Variants in LRRC41 observed in about 807,000 individuals in gnomAD.
The protein encoded by LRRC41 is leucine-rich repeat-containing protein 41.
A neutral mutation model predicts 72.1 loss-of-function variants in LRRC41; 17 were observed. The observed-to-expected ratio is 0.24, with a 90% CI of 0.16 to 0.35. The LOEUF (loss-of-function observed/expected upper bound fraction) is 0.35. Among genes scored for constraint, LRRC41 ranks in the 10% least tolerant of loss-of-function variants. The pLI, the probability that LRRC41 is intolerant of heterozygous loss-of-function variation, is 1.00. For synonymous variants in LRRC41, 427 were observed against 431.0 expected (o/e 0.99, Z 0.11); for missense variants, 759 against 1,065.0 (o/e 0.71, Z 4.00).
chr1:46,302,921 G>C lies in LRRC41; in HGVS notation c.199+203C>G. ...GCGCCCCCGAGCCAGGCCGCGGTGC[G>C]GGTCAGCCTGCCCATTTAGGTCTCC... On this transcript the variant is annotated intron_variant, in intron 1 of 9. Coordinates refer to ENST00000617190, the MANE Select transcript of LRRC41 (RefSeq NM_006369.5). The surrounding 1 kb of genome is among the most constrained non-coding windows in gnomAD (Gnocchi z 4.7). 1.0e-6 allele frequency: 1 copy of C among 981,312 alleles called. No individual in the cohort carries two copies. The highest frequency in any genetic ancestry group is 1.2e-6 in the Non-Finnish European group (1 of 828,798). 60.8% of individuals were successfully genotyped at this position (981,312 alleles called of 1,614,324 possible).
intron 3 of LRRC41, among the ~76,000 whole-genome samples, chr1:46,291,301 A>G (rs1352956160): frequency 1.3e-5 from 2 of 152,076 alleles, no homozygotes; most frequent in African/African-American, 2.4e-5. Context: ...CTCAATTTTT[A>G]TATACTATAA....
chr1:46,299,563 G>C (rs1661185690), intron 1 of LRRC41: 1 of 151,940 alleles, frequency 6.6e-6, no homozygotes, highest in Non-Finnish European at 1.5e-5. Context: ...CTGGATGACA[G>C]AGCAAGACCC....
At chr1:46,281,936 G>A (rs1660783919) in intron 4 of LRRC41, among the ~76,000 whole-genome samples, 1 of 152,160 alleles carries the variant, frequency 6.6e-6, no homozygotes, top group Admixed American at 6.5e-5. Flanking sequence ...GAAATTAGCT[G>A]GGCTGGGTGG....
chr1:46,284,084 T>C (rs560821984), intron 4 of LRRC41: 1 of 152,184 alleles, frequency 6.6e-6, no homozygotes, highest in Non-Finnish European at 1.5e-5. Flanking sequence ...ATGACATAGG[T>C]CCTTGCCAGT....
chr1:46,279,235 C>T lies in LRRC41; in HGVS notation c.2166G>A (p.Leu722=). 1 of 1,614,152 alleles carries T rather than the reference C, an allele frequency of 6.2e-7. No homozygotes were observed. The highest frequency in any genetic ancestry group is 8.5e-7 in the Non-Finnish European group (1 of 1,180,026). The change falls in exon 9 of 10, where the codon TTG becomes TTA. Residue 722 remains leucine (L), a synonymous_variant. Transcript: ENST00000617190. This position sits in a 1 kb window ranked among gnomAD's most constrained non-coding sequence, Gnocchi z 4.5. ...NRLGNAGLLA[L]ADVFSEDSSS... is the part of the protein sequence containing the mutation. The stretch of plus-strand genomic sequence containing the variant: ...ATGAATCCTCTGAGAAAACATCTGC[C>T]AAGGCCAGCAGGCCAGCATTCCCTG...
intron 3 of LRRC41, among the ~76,000 whole-genome samples, chr1:46,294,439 G>A (rs1661080741): frequency 6.6e-6 from 1 of 151,926 alleles, no homozygotes; most frequent in East Asian, 1.9e-4. Flanking sequence ...ACGTGGTTTT[G>A]CACTGTCCCC....
rs1228774271 is a variant in LRRC41 at position 46,302,114 on chromosome 1, C to G, written c.199+1010G>C. The G allele has an allele frequency of 2.0e-6, 2 of 985,246 alleles. No individual in the cohort carries two copies. The highest frequency in any genetic ancestry group is 2.4e-6 in the Non-Finnish European group (2 of 829,892). 61.0% of individuals were successfully genotyped at this position (985,246 alleles called of 1,614,324 possible). A position where few individuals can be genotyped will look rare whatever the true frequency, so the allele number is the denominator to read the frequency against. On this transcript the variant is annotated intron_variant, in intron 1 of 9. Coordinates refer to ENST00000617190, the MANE Select transcript of LRRC41 (RefSeq NM_006369.5). The surrounding 1 kb of genome is among the most constrained non-coding windows in gnomAD (Gnocchi z 4.7). ...GGTTCGCCCTCCCCGGCCGTTCATC[C>G]CGGCGCCCCAGGCCGCCCTCCATCC... is the stretch of plus-strand genomic sequence containing the variant.
rs1194902044 is a variant in LRRC41 at position 46,303,470 on chromosome 1, C to T, written c.-148G>A. The T allele has an allele frequency of 3.7e-6, 3 of 814,062 alleles. No homozygotes were observed. Among genetic ancestry groups the T allele is most frequent in the South Asian group, 1.9e-5 (1 of 53,334 alleles). The allele number at this position is 814,062 out of a possible 1,614,324, so 50.4% of individuals were successfully genotyped here. A position where few individuals can be genotyped will look rare whatever the true frequency, so the allele number is the denominator to read the frequency against. The stretch of plus-strand genomic sequence containing the variant: ...AGAAATTAGCACACTTTCCAAGTCT[C>T]TTAGGAGCTACTATTTTAGATAAAC... On this transcript the variant is annotated 5_prime_UTR_variant, in exon 1 of 10. Coordinates refer to ENST00000617190, the MANE Select transcript of LRRC41 (RefSeq NM_006369.5).
Position 46,303,115 on chromosome 1 carries a change from G to A in LRRC41, c.199+9C>T, listed in dbSNP as rs775326082. ...TTAGCCAGAGGTAGCCCCTCACCCC[G>A]CGACTTACCCCACACCCCGCTCTCC... On this transcript the variant is annotated intron_variant, in intron 1 of 9. Transcript: ENST00000617190. The A allele has an allele frequency of 5.1e-6, 6 of 1,165,926 alleles. No individual in the cohort carries two copies. In the Admixed American group the frequency reaches 1.1e-4, roughly 21 times the overall value. The allele number at this position is 1,165,926 out of a possible 1,614,324, so 72.2% of individuals were successfully genotyped here. A position where few individuals can be genotyped will look rare whatever the true frequency, so the allele number is the denominator to read the frequency against.
intron 4 of LRRC41, among the ~76,000 whole-genome samples, chr1:46,283,833 T>C (rs926295686): frequency 1.3e-5 from 2 of 151,894 alleles, no homozygotes; most frequent in Non-Finnish European, 2.9e-5. Context: ...GCCTGGCTAA[T>C]TTTTGTATTT....
At position 46,290,939 on chromosome 1, in the gene LRRC41, T is replaced by TTC. The variant is rs1661002999; in HGVS notation, c.358-4441_358-4440insGA. Among the ~76,000 whole-genome samples, 32 of 147,688 alleles carry TTC rather than the reference T, an allele frequency of 2.2e-4. No individual in the cohort carries two copies. The South Asian group carries it at 6.9e-3, about 32-fold the overall frequency. ...TAGTTTTTTTTTTTTTTTTTTTTTTTTTTTTAAGACATTCCTGCTCTGTTG... is the reference window on the plus strand; with the variant it reads ...TAGTTTTTTTTTTTTTTTTTTTTTTTTCTTTTTAAGACATTCCTGCTCTGTTG... On this transcript the variant is annotated intron_variant, in intron 3 of 9. Transcript: ENST00000617190.
intron 1 of LRRC41, among the ~76,000 whole-genome samples, chr1:46,301,602 C>G (rs1347073544): frequency 6.6e-6 from 1 of 152,076 alleles, no homozygotes; most frequent in Non-Finnish European, 1.5e-5. Context: ...CCCGACCACC[C>G]TCCAGCTTAT....
chr1:46,303,466 G>C lies in LRRC41; in HGVS notation c.-144C>G. On this transcript the variant is annotated 5_prime_UTR_variant, in exon 1 of 10. Coordinates refer to ENST00000617190, the MANE Select transcript of LRRC41 (RefSeq NM_006369.5). ...TCGAAGAAATTAGCACACTTTCCAA[G>C]TCTCTTAGGAGCTACTATTTTAGAT... The C allele has an allele frequency of 1.2e-6, 1 of 835,288 alleles. No individual in the cohort carries two copies. The highest frequency in any genetic ancestry group is 1.8e-6 in the Non-Finnish European group (1 of 555,080). The allele number at this position is 835,288 out of a possible 1,614,324, so 51.7% of individuals were successfully genotyped here.
chr1:46,294,706 T>C (rs2148323769), intron 3 of LRRC41, among the ~76,000 whole-genome samples: 1 of 149,356 alleles, frequency 6.7e-6, no homozygotes, highest in African/African-American at 2.4e-5. Flanking sequence ...GCAATTCTCC[T>C]GCCTCAGCCT....
Position 46,279,468 on chromosome 1 carries a change from C to T in LRRC41, c.2143+24G>A. The stretch of plus-strand genomic sequence containing the variant: ...CAAAGGCCTAGCTCCTTTCCCCTCT[C>T]CCTCCCCAGGGTCTGGCCCCCACCC... On this transcript the variant is annotated intron_variant, in intron 8 of 9. Coordinates refer to ENST00000617190, the MANE Select transcript of LRRC41 (RefSeq NM_006369.5). The surrounding 1 kb of genome is among the most constrained non-coding windows in gnomAD (Gnocchi z 4.5). The T allele has an allele frequency of 6.2e-7, 1 of 1,614,204 alleles. No homozygotes were observed. Among genetic ancestry groups the T allele is most frequent in the South Asian group, 1.1e-5 (1 of 91,068 alleles).
intron 1 of LRRC41, chr1:46,299,062 G>C (rs775999292): frequency 6.6e-6 from 1 of 152,128 alleles, no homozygotes; most frequent in African/African-American, 2.4e-5. Flanking sequence ...GAAACAATTC[G>C]TGTCTCTAAA....
chr1:46,292,123 G>A (rs568380455), intron 3 of LRRC41, among the ~76,000 whole-genome samples: 2 of 152,042 alleles, frequency 1.3e-5, no homozygotes, highest in African/African-American at 4.8e-5. Context: ...AGACCAGCCT[G>A]GCCAATGTGG....
chr1:46,291,757 A>C (rs1311150136), intron 3 of LRRC41, among the ~76,000 whole-genome samples: 1 of 150,370 alleles, frequency 6.7e-6, no homozygotes, highest in Non-Finnish European at 1.5e-5. Flanking sequence ...ACGGGGTTTC[A>C]CCATATTGGC....
Position 46,294,397 on chromosome 1 carries a change from C to T in LRRC41, c.357+3166G>A, listed in dbSNP as rs142182416. Among the ~76,000 whole-genome samples the T allele has an allele frequency of 5.2e-3, 790 of 151,876 alleles. 6 individuals are homozygous for T. Among genetic ancestry groups the T allele is most frequent in the African/African-American group, 0.017 (714 of 41,426 alleles). On this transcript the variant is annotated intron_variant, in intron 3 of 9. Coordinates refer to ENST00000617190, the MANE Select transcript of LRRC41 (RefSeq NM_006369.5). Reference sequence around the variant, plus strand: ...TGCTGGGATTACAGGTGTGAGCTACCGCGCCCAGCCCTTTCTTTCTTTTTT... The same window carrying T: ...TGCTGGGATTACAGGTGTGAGCTACTGCGCCCAGCCCTTTCTTTCTTTTTT...
Sources: allele counts gnomAD v4.1 joint callset (sites outside exome capture counted in the v4.1 genomes callset), GRCh38; gene constraint gnomAD v4.1.1; non-coding constraint Gnocchi (gnomAD v3.1); transcripts MANE v1.5; gene names NCBI Gene and HGNC (gene_info 2026-07-23, HGNC 2026-07-21).